Variants in LATS2 observed in about 807,000 individuals in gnomAD.
LATS2 encodes the protein large tumor suppressor kinase 2.
A neutral mutation model predicts 76.0 loss-of-function variants in LATS2; 24 were observed. That is an observed-to-expected ratio of 0.32 (90% CI 0.23 to 0.44). The LOEUF (loss-of-function observed/expected upper bound fraction) is 0.44. LATS2 is among the 20% of genes least tolerant of loss of function. The probability of loss-of-function intolerance (pLI) is 1.00; values close to 1 mark genes in which losing one functional copy is unlikely to be tolerated. For missense variants in LATS2, 1,286 were observed against 1,481.2 expected, an observed-to-expected ratio of 0.87 and a Z score of 2.16; for synonymous variants, 692 against 635.4, an observed-to-expected ratio of 1.09 and a Z score of -1.34.
At chr13:21,052,802 GTTCTGAGCAGC>G (rs1873319214) in intron 1 of LATS2, among the ~76,000 whole-genome samples, 1 of 152,242 alleles carries the variant, frequency 6.6e-6, no homozygotes, top group South Asian at 2.1e-4. Flanking sequence ...AGGTTGGTCA[GTTCTGAGCAGC>G]ATCTGAGCCT....
intron 2 of LATS2, among the ~76,000 whole-genome samples, chr13:21,003,371 A>G (rs899918743): frequency 4.6e-5 from 7 of 151,860 alleles, no homozygotes; most frequent in Admixed American, 2.0e-4. Context: ...CTCCTACCTC[A>G]GCCTCCTGAG....
chr13:20,983,812 TAGAAGGAAAAGGA>T lies in LATS2; in HGVS notation c.1900-19_1900-7del. 1 of 1,600,624 alleles carries T rather than the reference TAGAAGGAAAAGGA, an allele frequency of 6.2e-7. No homozygotes were observed. Among genetic ancestry groups the T allele is most frequent in the Non-Finnish European group, 8.5e-7 (1 of 1,173,488 alleles). On this transcript the variant is annotated splice_region_variant and splice_polypyrimidine_tract_variant and intron_variant, in intron 4 of 7. Coordinates refer to ENST00000382592, the MANE Select transcript of LATS2 (RefSeq NM_014572.3). ...TCAGCTTCACAGAGTCCAGCCTGTGTAGAAGGAAAAGGAAGGAGGAAGAATCACATTAGAGAAG... is the reference window on the plus strand; with the variant it reads ...TCAGCTTCACAGAGTCCAGCCTGTGTAGGAGGAAGAATCACATTAGAGAAG...
intron 6 of LATS2, among the ~76,000 whole-genome samples, chr13:20,980,048 GATT>G (rs1240105655): frequency 1.3e-5 from 2 of 152,090 alleles, no homozygotes; most frequent in Non-Finnish European, 2.9e-5. Flanking sequence ...AATTTAAAAA[GATT>G]ATTTTTATTG....
rs1204525795 is a variant in LATS2, at chr13:20,989,268, G to T, written c.512C>A (p.Pro171His). ...GLMPTPVTRR[P>H]SFEGTGDSFA... ...CGAATCGCCGGTTCCTTCGAAGCTG[G>T]GCCTCCGCGTCACTGGGGTTGGCAT... The change falls in exon 4 of 8, where the codon CCC becomes CAC. Residue 171 changes from proline to histidine, a missense_variant. Pro to His is a moderately conservative substitution (Grantham distance 77). Around this residue, in one of 5 missense-constraint regions of LATS2, gnomAD observed 710 missense variants for 660.9 expected, o/e 1.07. Coordinates refer to ENST00000382592, the MANE Select transcript of LATS2 (RefSeq NM_014572.3). The T allele has an allele frequency of 6.2e-7, 1 of 1,613,978 alleles. No homozygotes were observed. Among genetic ancestry groups the T allele is most frequent in the Admixed American group, 1.7e-5 (1 of 60,024 alleles).
intron 2 of LATS2, among the ~76,000 whole-genome samples, chr13:20,998,748 A>AGGCGG (rs974935780): frequency 6.6e-6 from 1 of 152,214 alleles, no homozygotes; most frequent in African/African-American, 2.4e-5. Flanking sequence ...ATGCGGGGCG[A>AGGCGG]GGCGGGGCGG....
intron 5 of LATS2, among the ~76,000 whole-genome samples, chr13:20,982,039 TAGG>T (rs1485529607): frequency 6.6e-6 from 1 of 152,102 alleles, no homozygotes; most frequent in Non-Finnish European, 1.5e-5. Flanking sequence ...ATGGAAAACT[TAGG>T]AGGATTTAAA....
Position 21,016,935 on chromosome 13 carries a change from A to G in LATS2, c.343-25531T>C, listed in dbSNP as rs1369805274. 1.2e-4 allele frequency among the ~76,000 whole-genome samples: 18 copies of G among 152,344 alleles called. No homozygotes were observed. In the East Asian group the frequency reaches 3.5e-3, roughly 29 times the overall value. On this transcript the variant is annotated intron_variant, in intron 2 of 7. Coordinates refer to ENST00000382592, the MANE Select transcript of LATS2 (RefSeq NM_014572.3). ...TAAGTAAAACCAACTTGCCCGATCC[A>G]TGGCCATGCATCTGTTCTCAGACAT...
intron 1 of LATS2, among the ~76,000 whole-genome samples, chr13:21,047,291 G>C (rs1024588112): frequency 2.6e-5 from 4 of 152,132 alleles, no homozygotes; most frequent in African/African-American, 9.7e-5. Context: ...TAATAGAGAC[G>C]GATGCTTAGG....
chr13:21,040,376 C>CAAAAAAAAAAAAA (rs141897751), intron 2 of LATS2, among the ~76,000 whole-genome samples: 23 of 108,738 alleles, frequency 2.1e-4, no homozygotes, highest in African/African-American at 7.9e-4. Context: ...GACCTTGTCT[C>CAAAAAAAAAAAAA]AAAAAAAAAA....
At position 20,993,035 on chromosome 13, in the gene LATS2, C is replaced by CAAAA. The variant is rs551359225; in HGVS notation, c.343-1635_343-1632dup. On this transcript the variant is annotated intron_variant, in intron 2 of 7. Transcript: ENST00000382592. ...TGGCGACAAAGTGTGACTCCATCTC[C>CAAAA]AAAAAAAAAAAAAAAAAAAAAAAAA... Among the ~76,000 whole-genome samples the CAAAA allele has an allele frequency of 6.4e-4, 57 of 88,974 alleles. 2 individuals carry two copies. The highest frequency in any genetic ancestry group is 2.1e-3 in the African/African-American group (41 of 19,220). 58.4% of individuals were successfully genotyped at this position (88,974 alleles called of 152,430 possible). A position where few individuals can be genotyped will look rare whatever the true frequency, so the allele number is the denominator to read the frequency against.
chr13:21,011,890 A>C (rs1030518776), intron 2 of LATS2, among the ~76,000 whole-genome samples: 2 of 152,222 alleles, frequency 1.3e-5, no homozygotes, highest in Admixed American at 1.3e-4. Context: ...TCCTGGCTAC[A>C]AACCAGTACA....
chr13:21,050,143 G>C (rs141204212), intron 1 of LATS2, among the ~76,000 whole-genome samples: 1,118 of 14,874 alleles, frequency 0.075, 20 homozygotes, highest in African/African-American at 0.1. Context: ...TAGATAGATA[G>C]ATAGATACAT....
chr13:21,036,628 C>A (rs1872690140), intron 2 of LATS2, among the ~76,000 whole-genome samples: 1 of 151,910 alleles, frequency 6.6e-6, no homozygotes, highest in South Asian at 2.1e-4. Context: ...CAAAAATTAG[C>A]CCGGCATGGT....
chr13:21,008,701 C>T (rs1871454919), intron 2 of LATS2, among the ~76,000 whole-genome samples: 1 of 152,038 alleles, frequency 6.6e-6, no homozygotes, highest in Non-Finnish European at 1.5e-5. Context: ...CAAGTGTTGG[C>T]AAAGTTAGAG....
chr13:21,045,126 C>T lies in LATS2; in HGVS notation c.342+559G>A, dbSNP rs545186140. On this transcript the variant is annotated intron_variant, in intron 2 of 7. Coordinates refer to ENST00000382592, the MANE Select transcript of LATS2 (RefSeq NM_014572.3). Reference sequence around the variant, plus strand: ...TGAGACTGTGTTGCCACAATTTTGACGATTTCTCAAGCTTTTTCTTTCTAG... The same window carrying T: ...TGAGACTGTGTTGCCACAATTTTGATGATTTCTCAAGCTTTTTCTTTCTAG... Among the ~76,000 whole-genome samples the T allele has an allele frequency of 3.9e-5, 6 of 152,146 alleles. No homozygotes were observed. In the East Asian group the frequency reaches 5.8e-4, roughly 15 times the overall value.
At chr13:20,994,403 A>G (rs1401130544) in intron 2 of LATS2, among the ~76,000 whole-genome samples, 1 of 152,236 alleles carries the variant, frequency 6.6e-6, no homozygotes, top group East Asian at 1.9e-4. Flanking sequence ...CACTGAAGGA[A>G]ATGGGAATCC....
intron 2 of LATS2, among the ~76,000 whole-genome samples, chr13:21,030,544 A>C (rs546959668): frequency 6.7e-6 from 1 of 148,566 alleles, no homozygotes; most frequent in Non-Finnish European, 1.5e-5. Flanking sequence ...AGCTGAGATC[A>C]CACCACTGCA....
chr13:20,989,379 C>T, intron 3 of LATS2, 75 bp from the exon 4 acceptor site: 1 of 1,513,976 alleles, frequency 6.6e-7, no homozygotes, highest in Non-Finnish European at 9.1e-7. Flanking sequence ...AGGCTGGTCC[C>T]CACTCTAGCG....
In LATS2 at chr13:20,991,779, G is replaced by A. The variant is rs1870520240; in HGVS notation, c.343-375C>T. Among the ~76,000 whole-genome samples, 2 of 152,226 alleles carry A rather than the reference G, an allele frequency of 1.3e-5. No individual in the cohort carries two copies. Among genetic ancestry groups the A allele is most frequent in the Non-Finnish European group, 2.9e-5 (2 of 68,038 alleles). ...TTAAGGGGAAGAACTGTGGGAGTCA[G>A]GGAACCTGGCTTTAACCTCAGCTCA... On this transcript the variant is annotated intron_variant, in intron 2 of 7. Coordinates refer to ENST00000382592, the MANE Select transcript of LATS2 (RefSeq NM_014572.3). This position sits in a 1 kb window ranked among gnomAD's most constrained non-coding sequence, Gnocchi z 4.9.
Sources: allele counts gnomAD v4.1 joint callset (sites outside exome capture counted in the v4.1 genomes callset), GRCh38; gene constraint gnomAD v4.1.1; regional missense constraint gnomAD v4.1.1; non-coding constraint Gnocchi (gnomAD v3.1); transcripts MANE v1.5; gene names NCBI Gene and HGNC (gene_info 2026-07-23, HGNC 2026-07-21).